CORIN: variants seen among roughly 807,000 people sequenced by gnomAD.
CORIN encodes the protein corin, serine peptidase, also known as atrial natriuretic peptide-converting enzyme.
CORIN carries 117 observed loss-of-function variants against 125.3 expected under a neutral mutation model. The ratio of observed to expected loss-of-function variants is 0.93; its 90% CI spans 0.80 to 1.09. CORIN has a LOEUF of 1.09. Among genes scored for constraint, CORIN ranks in the 50% least tolerant of loss-of-function variants. The pLI, the probability that CORIN is intolerant of heterozygous loss-of-function variation, is 0.00. For synonymous variants in CORIN, 450 were observed against 466.4 expected, an observed-to-expected ratio of 0.96 and a Z score of 0.45; for missense variants, 1,253 against 1,306.7, an observed-to-expected ratio of 0.96 and a Z score of 0.63.
chr4:47,729,090 T>C (rs1238302755), intron 5 of CORIN, among the ~76,000 whole-genome samples: 5 of 152,200 alleles, frequency 3.3e-5, no homozygotes, highest in Non-Finnish European at 7.4e-5. Flanking sequence ...GCACTGCTTC[T>C]TTATCCTGGG....
rs143436584 is a variant in CORIN, at chr4:47,644,737, T to C, written c.1957+344A>G. ...ATTCTGTTTTACTCAACTAATGACA[T>C]ATAATGAATCCAAGAGAAATTTTTC... On this transcript the variant is annotated intron_variant, in intron 14 of 21. Transcript: ENST00000273857. Among the ~76,000 whole-genome samples, 1,412 of 152,278 alleles carry C rather than the reference T, an allele frequency of 9.3e-3. 25 individuals carry two copies. Among genetic ancestry groups the C allele is most frequent in the African/African-American group, 0.032 (1,339 of 41,574 alleles).
At chr4:47,818,318 C>T (rs1042713992) in intron 1 of CORIN, among the ~76,000 whole-genome samples, 11 of 152,048 alleles carry the variant, frequency 7.2e-5, no homozygotes, top group South Asian at 2.1e-4. Context: ...TAGATATAGA[C>T]GAGCAAGGAG....
chr4:47,697,529 C>T (rs1476212393), intron 5 of CORIN, among the ~76,000 whole-genome samples: 1 of 151,998 alleles, frequency 6.6e-6, no homozygotes, highest in Non-Finnish European at 1.5e-5. Flanking sequence ...GCCTGGCCAA[C>T]ATGGTGAAAC....
intron 2 of CORIN, among the ~76,000 whole-genome samples, chr4:47,799,042 T>C (rs1181859690): frequency 6.6e-6 from 1 of 152,060 alleles, no homozygotes; most frequent in Non-Finnish European, 1.5e-5. Context: ...GGCCTCCCGC[T>C]ACATCCATTT....
intron 1 of CORIN, among the ~76,000 whole-genome samples, chr4:47,830,974 G>A (rs1371788425): frequency 2.0e-5 from 3 of 152,182 alleles, no homozygotes; most frequent in Non-Finnish European, 2.9e-5. Flanking sequence ...GGGACCCTGG[G>A]CTAAGGAAGC....
In CORIN at chr4:47,744,123, G is replaced by T. The variant is rs112463140; in HGVS notation, c.799+279C>A. Among the ~76,000 whole-genome samples, 7 of 152,276 alleles carry T rather than the reference G, an allele frequency of 4.6e-5. 1 individual carries two copies. Among genetic ancestry groups the T allele is most frequent in the Admixed American group, 2.6e-4 (4 of 15,292 alleles). ...GGTTTTAAAAAGTTACATATTGTAT[G>T]ATTCCATTTATATGAAGTTCAGAAG... On this transcript the variant is annotated intron_variant, in intron 5 of 21. Coordinates refer to ENST00000273857, the MANE Select transcript of CORIN (RefSeq NM_006587.4).
chr4:47,702,836 A>T (rs1726367881), intron 5 of CORIN, among the ~76,000 whole-genome samples: 1 of 152,230 alleles, frequency 6.6e-6, no homozygotes, highest in African/African-American at 2.4e-5. Context: ...AATCCCATGA[A>T]GAATGTATTG....
chr4:47,632,725 T>TAGATAGACAGATA (rs5858081), intron 16 of CORIN, among the ~76,000 whole-genome samples: 12 of 126,760 alleles, frequency 9.5e-5, no homozygotes, highest in South Asian at 5.0e-4. Flanking sequence ...TGACAATAGA[T>TAGATAGACAGATA]GATAGATAGA....
intron 14 of CORIN, among the ~76,000 whole-genome samples, chr4:47,643,959 C>T (rs1363497567): frequency 6.6e-6 from 1 of 152,178 alleles, no homozygotes; most frequent in Non-Finnish European, 1.5e-5. Context: ...GGGCCTTGAC[C>T]TACGGTTGTG....
intron 3 of CORIN, among the ~76,000 whole-genome samples, chr4:47,764,145 T>C (rs964060891): frequency 6.6e-6 from 1 of 151,056 alleles, no homozygotes; most frequent in Non-Finnish European, 1.5e-5. Flanking sequence ...TTCAGAAGAC[T>C]ATTTAATCAC....
chr4:47,764,392 C>T (rs542396216), intron 3 of CORIN, among the ~76,000 whole-genome samples: 1 of 152,202 alleles, frequency 6.6e-6, no homozygotes, highest in East Asian at 1.9e-4. Flanking sequence ...CCTGGTTGAC[C>T]CGATATAAAC....
At chr4:47,777,940 C>T (rs1730370578) in intron 3 of CORIN, among the ~76,000 whole-genome samples, 1 of 152,198 alleles carries the variant, frequency 6.6e-6, no homozygotes, top group Non-Finnish European at 1.5e-5. Flanking sequence ...CAAAAGATTA[C>T]ATACAGTGCC....
At chr4:47,798,831 C>A (rs1284742286) in intron 2 of CORIN, among the ~76,000 whole-genome samples, 1 of 152,014 alleles carries the variant, frequency 6.6e-6, no homozygotes, top group East Asian at 1.9e-4. Context: ...AGTTTTTCAA[C>A]CCTTGCCCTC....
intron 2 of CORIN, 22 bp from the exon 3 acceptor site, chr4:47,786,947 A>G: frequency 6.7e-7 from 1 of 1,502,324 alleles, no homozygotes; most frequent in Admixed American, 1.9e-5. Context: ...AAACAAACAC[A>G]AAAAAAACCT....
chr4:47,646,902 T>C (rs1442391470), intron 13 of CORIN, among the ~76,000 whole-genome samples: 1 of 152,170 alleles, frequency 6.6e-6, no homozygotes, highest in African/African-American at 2.4e-5. Flanking sequence ...GAATCCATTA[T>C]GAGAAAAAAA....
At chr4:47,629,567 T>C (rs1722726503) in intron 16 of CORIN, among the ~76,000 whole-genome samples, 1 of 152,170 alleles carries the variant, frequency 6.6e-6, no homozygotes, top group Non-Finnish European at 1.5e-5. Flanking sequence ...TATCAACAAT[T>C]ATAAAATGAA....
At chr4:47,750,543 C>T (rs1243182012) in intron 4 of CORIN, among the ~76,000 whole-genome samples, 1 of 152,138 alleles carries the variant, frequency 6.6e-6, no homozygotes, top group Non-Finnish European at 1.5e-5. Context: ...AGGCATAGTA[C>T]AGTAGGCTGC....
intron 5 of CORIN, among the ~76,000 whole-genome samples, chr4:47,694,997 G>C (rs1725923770): frequency 6.6e-6 from 1 of 152,070 alleles, no homozygotes; most frequent in Non-Finnish European, 1.5e-5. Context: ...AACAACAAAA[G>C]CCCAGTTTTC....
intron 5 of CORIN, among the ~76,000 whole-genome samples, chr4:47,696,840 T>G (rs1197330689): frequency 6.6e-6 from 1 of 152,214 alleles, no homozygotes; most frequent in African/African-American, 2.4e-5. Flanking sequence ...TCTCTCTGTC[T>G]GTGTATCAAT....
Sources: gnomAD v4.1 joint callset for allele counts (sites outside exome capture counted in the v4.1 genomes callset) on GRCh38, gnomAD v4.1.1 for gene constraint, MANE v1.5 for transcripts, NCBI Gene and HGNC (gene_info 2026-07-23, HGNC 2026-07-21) for gene names.